DPH6: variants seen among roughly 807,000 people sequenced by gnomAD.
The protein encoded by DPH6 is diphthamine biosynthesis 6.
DPH6 carries 33 observed loss-of-function variants against 38.2 expected under a neutral mutation model. The observed-to-expected ratio is 0.86, with a 90% confidence interval of 0.65 to 1.15. The LOEUF (loss-of-function observed/expected upper bound fraction) is 1.15, where lower values mean the gene tolerates loss of function less well. Ranked by LOEUF, DPH6 falls within the 50% of genes most tolerant of loss-of-function variation. DPH6 has a pLI of 0.00. For synonymous variants in DPH6, 108 were observed against 103.0 expected (o/e 1.05, Z -0.30); for missense variants, 325 against 320.0 (o/e 1.02, Z -0.12).
chr15:35,404,533 CTGTCCATTCAATTCTTT>C (rs1566897439), intron 6 of DPH6, among the ~76,000 whole-genome samples: 1 of 152,126 alleles, frequency 6.6e-6, no homozygotes, highest in Non-Finnish European at 1.5e-5. Context: ...CTTTTGAGAA[CTGTCCATTCAATTCTTT>C]TGTCCATTTT....
intron 3 of DPH6, among the ~76,000 whole-genome samples, chr15:35,469,529 A>G (rs2054170569): frequency 6.6e-6 from 1 of 152,214 alleles, no homozygotes; most frequent in African/African-American, 2.4e-5. Flanking sequence ...AGGAATGAGT[A>G]ATAGATTCTG....
chr15:35,465,750 A>G (rs1291744660), intron 3 of DPH6, among the ~76,000 whole-genome samples: 1 of 152,178 alleles, frequency 6.6e-6, no homozygotes, highest in Non-Finnish European at 1.5e-5. Flanking sequence ...CTCATGACAG[A>G]ATATTAGGTC....
At chr15:35,370,442 TGATAAA>T (rs969767565), downstream of DPH6, among the ~76,000 whole-genome samples, 20 of 151,760 alleles carry the variant, frequency 1.3e-4, no homozygotes, top group East Asian at 1.4e-3. Context: ...AATACATATT[TGATAAA>T]GAACTGTTAT....
At chr15:35,260,335 T>G (rs1221869931) in intron 3 of DPH6, among the ~76,000 whole-genome samples, 1 of 152,126 alleles carries the variant, frequency 6.6e-6, no homozygotes, top group African/African-American at 2.4e-5. Context: ...CTTGAACTCC[T>G]GACCTCGTGA....
downstream of DPH6, among the ~76,000 whole-genome samples, chr15:35,366,393 C>G (rs183168954): frequency 2.0e-5 from 3 of 152,048 alleles, no homozygotes; most frequent in Admixed American, 2.0e-4. Context: ...CCTATTGTCT[C>G]TTTCTACCAA....
the DPH6 span, among the ~76,000 whole-genome samples, chr15:35,196,418 G>A: frequency 1.3e-5 from 2 of 152,178 alleles, no homozygotes; most frequent in Non-Finnish European, 2.9e-5. Flanking sequence ...AGCCAGTAGA[G>A]TTCGGACTAC....
intron 3 of DPH6, among the ~76,000 whole-genome samples, chr15:35,222,970 C>T (rs2051452638): frequency 6.6e-6 from 1 of 152,186 alleles, no homozygotes; most frequent in African/African-American, 2.4e-5. Context: ...CCCAGCTTGA[C>T]TCTTCCCTCT....
At chr15:35,539,740 C>T (rs1329836755) in intron 2 of DPH6, among the ~76,000 whole-genome samples, 3 of 152,018 alleles carry the variant, frequency 2.0e-5, no homozygotes, top group Admixed American at 1.3e-4. Flanking sequence ...CAGGTCCAGG[C>T]TTTCCATTAA....
chr15:35,150,241 A>G, the DPH6 span, among the ~76,000 whole-genome samples: 1 of 152,348 alleles, frequency 6.6e-6, no homozygotes, highest in Non-Finnish European at 1.5e-5. Flanking sequence ...TTCGGAGGTG[A>G]CAGAGAGAGA....
intron 3 of DPH6, chr15:35,490,272 A>C (rs536592963): frequency 1.2e-6 from 1 of 858,382 alleles, no homozygotes; most frequent in African/African-American, 1.8e-5. Context: ...TCAGTCATAA[A>C]GAGAGGTTTG....
chr15:35,203,890 C>T, the DPH6 span, among the ~76,000 whole-genome samples: 1 of 151,622 alleles, frequency 6.6e-6, no homozygotes, highest in Non-Finnish European at 1.5e-5. Context: ...CTTTAAAATT[C>T]TACTTTTTCA....
chr15:35,210,245 C>T, the DPH6 span, among the ~76,000 whole-genome samples: 24 of 152,210 alleles, frequency 1.6e-4, no homozygotes, highest in East Asian at 7.7e-4. Flanking sequence ...AGCTATTACC[C>T]GAGTTCTTAC....
intron 3 of DPH6, among the ~76,000 whole-genome samples, chr15:35,482,187 C>T (rs145095251): frequency 2.6e-5 from 4 of 152,138 alleles, no homozygotes; most frequent in African/African-American, 7.2e-5. Context: ...TCCTGGCAAA[C>T]GAACTGAAAA....
intron 3 of DPH6, among the ~76,000 whole-genome samples, chr15:35,355,635 G>GA (rs2052552938): frequency 6.6e-6 from 1 of 152,150 alleles, no homozygotes; most frequent in African/African-American, 2.4e-5. Context: ...CTGGCTTGTA[G>GA]TTTCTGCCGA....
chr15:35,364,382 A>G (rs531744804), intron 3 of DPH6, among the ~76,000 whole-genome samples: 2 of 152,068 alleles, frequency 1.3e-5, no homozygotes, highest in South Asian at 4.1e-4. Flanking sequence ...TGCAGACATT[A>G]CTCTTTATTT....
intron 3 of DPH6, among the ~76,000 whole-genome samples, chr15:35,246,713 C>A (rs2051639994): frequency 6.6e-6 from 1 of 152,050 alleles, no homozygotes; most frequent in Non-Finnish European, 1.5e-5. Flanking sequence ...GGTAATGAGC[C>A]CCTTCTTCTT....
At chr15:35,481,094 C>A (rs1381145053) in intron 3 of DPH6, among the ~76,000 whole-genome samples, 1 of 152,054 alleles carries the variant, frequency 6.6e-6, no homozygotes, top group Non-Finnish European at 1.5e-5. Flanking sequence ...TAACTACTAC[C>A]CACATGTGAC....
chr15:35,466,348 T>C (rs1300712209), intron 3 of DPH6, among the ~76,000 whole-genome samples: 2 of 152,178 alleles, frequency 1.3e-5, no homozygotes, highest in African/African-American at 2.4e-5. Flanking sequence ...TAATTGCTTA[T>C]TGGGAGAATA....
intron 3 of DPH6, among the ~76,000 whole-genome samples, chr15:35,339,099 G>A (rs942552175): frequency 1.6e-4 from 25 of 151,938 alleles, no homozygotes; most frequent in African/African-American, 4.8e-4. Flanking sequence ...GAGTTAATGG[G>A]TGCAGCACAG....
Sources: allele counts gnomAD v4.1 joint callset (sites outside exome capture counted in the v4.1 genomes callset), GRCh38; gene constraint gnomAD v4.1.1; transcripts MANE v1.5; gene names NCBI Gene and HGNC (gene_info 2026-07-23, HGNC 2026-07-21).